The following TRPM3 variants were observed in gnomAD, a reference collection of about 807,000 sequenced individuals.
TRPM3 encodes transient receptor potential cation channel subfamily M member 3.
In TRPM3, 77 loss-of-function variants were observed where a neutral mutation model predicts 181.2. The observed-to-expected ratio is 0.42, with a 90% CI of 0.35 to 0.51. The LOEUF is 0.51. Ranked by LOEUF, TRPM3 falls within the 20% of genes least tolerant of loss-of-function variation. TRPM3 has a pLI of 0.01. For synonymous variants in TRPM3, 745 were observed against 796.4 expected, an observed-to-expected ratio of 0.94 and a Z score of 1.09; for missense variants, 1,759 against 2,196.7, an observed-to-expected ratio of 0.80 and a Z score of 3.98.
intron 1 of TRPM3, among the ~76,000 whole-genome samples, chr9:71,141,822 C>G (rs1293965344): frequency 2.6e-5 from 4 of 152,174 alleles, no homozygotes; most frequent in African/African-American, 9.6e-5. Flanking sequence ...ATCTCAATTA[C>G]TTTGGCAATG....
At chr9:70,899,499 C>A (rs930294784) in intron 1 of TRPM3, among the ~76,000 whole-genome samples, 1 of 152,160 alleles carries the variant, frequency 6.6e-6, no homozygotes, top group African/African-American at 2.4e-5. Flanking sequence ...AGTCTCCAAA[C>A]GTTGTGTCAT....
intron 1 of TRPM3, among the ~76,000 whole-genome samples, chr9:70,989,851 G>T (rs2134109979): frequency 6.6e-6 from 1 of 152,190 alleles, no homozygotes; most frequent in African/African-American, 2.4e-5. Context: ...ACTACTCATG[G>T]GAATCTCTAT....
intron 1 of TRPM3, among the ~76,000 whole-genome samples, chr9:71,115,655 C>A (rs1216631030): frequency 5.3e-5 from 8 of 152,148 alleles, no homozygotes; most frequent in South Asian, 2.1e-4. Context: ...TTGAGACAGA[C>A]CTTGCCAGGG....
chr9:71,382,688 C>CTTT (rs11449039), intron 1 of TRPM3, among the ~76,000 whole-genome samples: 13 of 146,610 alleles, frequency 8.9e-5, no homozygotes, highest in African/African-American at 2.5e-4. Context: ...TCTGTATAGT[C>CTTT]TTTTTTTTTT....
chr9:71,067,171 A>G (rs1296069147), intron 1 of TRPM3, among the ~76,000 whole-genome samples: 2 of 152,194 alleles, frequency 1.3e-5, no homozygotes, highest in African/African-American at 4.8e-5. Flanking sequence ...CAGACAAAAC[A>G]AGGAGGCAAT....
intron 1 of TRPM3, among the ~76,000 whole-genome samples, chr9:71,444,483 C>T (rs556120265): frequency 4.4e-4 from 67 of 152,156 alleles, no homozygotes; most frequent in South Asian, 2.1e-3. Context: ...ATTTTGGGGA[C>T]AACACATAAT....
intron 1 of TRPM3, among the ~76,000 whole-genome samples, chr9:71,404,037 G>A (rs1247546563): frequency 6.6e-6 from 1 of 152,140 alleles, no homozygotes; most frequent in Non-Finnish European, 1.5e-5. Context: ...AATTAGAAAT[G>A]TCCAGTGTTT....
chr9:71,255,192 ACT>A (rs1205506518), intron 1 of TRPM3, among the ~76,000 whole-genome samples: 1 of 152,066 alleles, frequency 6.6e-6, no homozygotes, highest in African/African-American at 2.4e-5. Context: ...TCATGTCCAA[ACT>A]CTCTAAACCA....
At chr9:71,161,366 A>T (rs1394126601) in intron 1 of TRPM3, among the ~76,000 whole-genome samples, 1 of 152,112 alleles carries the variant, frequency 6.6e-6, no homozygotes, top group African/African-American at 2.4e-5. Flanking sequence ...TCTTTTAGAG[A>T]TCTATGACGC....
intron 18 of TRPM3, among the ~76,000 whole-genome samples, chr9:70,612,374 G>A (rs770624934): frequency 1.3e-5 from 2 of 152,144 alleles, no homozygotes; most frequent in Non-Finnish European, 2.9e-5. Context: ...TGGGAAACAA[G>A]CTTAAAGTTG....
At chr9:70,868,647 A>C (rs1485317988) in intron 1 of TRPM3, among the ~76,000 whole-genome samples, 2 of 152,066 alleles carry the variant, frequency 1.3e-5, no homozygotes, top group Non-Finnish European at 2.9e-5. Context: ...AAAGCCTTGG[A>C]AAGTGCTATT....
At chr9:71,126,996 T>C (rs545766229) in intron 1 of TRPM3, among the ~76,000 whole-genome samples, 1 of 152,234 alleles carries the variant, frequency 6.6e-6, no homozygotes, top group African/African-American at 2.4e-5. Flanking sequence ...CCACTCACAC[T>C]TCCTCTTCTT....
At chr9:71,383,201 C>T (rs942989000) in intron 1 of TRPM3, among the ~76,000 whole-genome samples, 2 of 152,130 alleles carry the variant, frequency 1.3e-5, no homozygotes, top group Non-Finnish European at 2.9e-5. Flanking sequence ...CACATATATG[C>T]ATATATACGT....
chr9:71,125,273 G>T (rs576776482), upstream of TRPM3, among the ~76,000 whole-genome samples: 9 of 152,254 alleles, frequency 5.9e-5, no homozygotes, highest in East Asian at 1.7e-3. Context: ...GTAAATGTGT[G>T]CCATGGTGGT....
At chr9:71,032,022 T>TATA (rs1340227573) in intron 1 of TRPM3, among the ~76,000 whole-genome samples, 13 of 586 alleles carry the variant, frequency 0.022, no homozygotes, top group Non-Finnish European at 0.043. Flanking sequence ...ATAATATATA[T>TATA]ATATAATATA....
At chr9:71,004,205 G>A (rs1337444289) in intron 1 of TRPM3, among the ~76,000 whole-genome samples, 1 of 152,192 alleles carries the variant, frequency 6.6e-6, no homozygotes, top group Non-Finnish European at 1.5e-5. Context: ...AGTGCTGCAA[G>A]GGGGCACAAT....
At chr9:70,807,667 T>A (rs1394415205) in intron 6 of TRPM3, among the ~76,000 whole-genome samples, 1 of 152,180 alleles carries the variant, frequency 6.6e-6, no homozygotes, top group South Asian at 2.1e-4. Flanking sequence ...AGACACAGGC[T>A]GTGCTCTATA....
At chr9:71,414,969 T>A (rs1286217737) in intron 1 of TRPM3, among the ~76,000 whole-genome samples, 1 of 152,074 alleles carries the variant, frequency 6.6e-6, no homozygotes. Flanking sequence ...GTAAACATTA[T>A]CTTACTTGAA....
intron 12 of TRPM3, among the ~76,000 whole-genome samples, chr9:70,632,530 T>G (rs55889575): frequency 0.027 from 4,043 of 152,288 alleles, 164 homozygotes; most frequent in African/African-American, 0.092. Context: ...AATTAAACAT[T>G]GGCTTTCTGT....
Sources: allele counts gnomAD v4.1 joint callset (sites outside exome capture counted in the v4.1 genomes callset), GRCh38; gene constraint gnomAD v4.1.1; transcripts MANE v1.5; gene names NCBI Gene and HGNC (gene_info 2026-07-23, HGNC 2026-07-21).